HEATR5A: variants seen among roughly 807,000 people sequenced by gnomAD.
HEATR5A encodes HEAT repeat-containing protein 5A.
A neutral mutation model predicts 218.8 loss-of-function variants in HEATR5A; 178 were observed. The ratio of observed to expected loss-of-function variants is 0.81; its 90% CI spans 0.72 to 0.92. The LOEUF (loss-of-function observed/expected upper bound fraction) is 0.92. Among genes scored for constraint, HEATR5A ranks in the 40% least tolerant of loss-of-function variants. The probability of loss-of-function intolerance (pLI) is 0.00; values close to 1 mark genes in which losing one functional copy is unlikely to be tolerated. For synonymous variants in HEATR5A, 864 were observed against 871.6 expected, an observed-to-expected ratio of 0.99 and a Z score of 0.15; for missense variants, 2,420 against 2,418.9, an observed-to-expected ratio of 1.00 and a Z score of -0.01.
chr14:31,411,818 C>G (rs140882053), intron 1 of HEATR5A, among the ~76,000 whole-genome samples: 18 of 152,010 alleles, frequency 1.2e-4, no homozygotes, highest in African/African-American at 4.3e-4. Flanking sequence ...TAGCATACGT[C>G]AAAAAAATTT....
chr14:31,375,025 ACT>A (rs1902175452), intron 11 of HEATR5A, 57 bp from the exon 12 acceptor site: 1 of 1,401,332 alleles, frequency 7.1e-7, no homozygotes, highest in Non-Finnish European at 9.6e-7. Context: ...ACTCTTTAAA[ACT>A]CTATTATTAA....
At chr14:31,374,646 G>C (rs1275383659) in intron 12 of HEATR5A, among the ~76,000 whole-genome samples, 170 bp downstream of exon 12, 1 of 152,030 alleles carries the variant, frequency 6.6e-6, no homozygotes, top group Non-Finnish European at 1.5e-5. Flanking sequence ...ACATACACCA[G>C]TTATCATTAC....
intron 22 of HEATR5A, chr14:31,334,549 G>A (rs1000388599): frequency 3.4e-5 from 14 of 416,572 alleles, no homozygotes; most frequent in Admixed American, 2.9e-4. Context: ...AGTTTTCAAA[G>A]TTCTACTCTA....
intron 14 of HEATR5A, among the ~76,000 whole-genome samples, chr14:31,359,619 CAG>C (rs1397178308): frequency 6.8e-6 from 1 of 147,608 alleles, no homozygotes; most frequent in East Asian, 2.0e-4. Flanking sequence ...CCCAGCTACT[CAG>C]AGACTGAGGC....
Position 31,305,298 on chromosome 14 carries a change from T to C in HEATR5A, c.4967-121A>G, listed in dbSNP as rs1771051248. The C allele has an allele frequency of 7.9e-6, 8 of 1,018,586 alleles. No individual in the cohort carries two copies. The Admixed American group carries it at 1.6e-4, about 21-fold the overall frequency. 63.1% of individuals were successfully genotyped at this position (1,018,586 alleles called of 1,614,324 possible). ...ATTTTTTTGAGACAGAGTCTCGCTC[T>C]GTCACACAGGCTGGAGTGCAATGGC... On this transcript the variant is annotated intron_variant, in intron 31 of 35. Transcript: ENST00000543095.
chr14:31,327,817 C>T (rs1900320356), intron 22 of HEATR5A, among the ~76,000 whole-genome samples: 2 of 152,092 alleles, frequency 1.3e-5, no homozygotes, highest in Admixed American at 1.3e-4. Context: ...GAAATACTAG[C>T]CTTGATCTAG....
chr14:31,370,011 G>C (rs1170237902), intron 13 of HEATR5A, among the ~76,000 whole-genome samples: 2 of 151,678 alleles, frequency 1.3e-5, no homozygotes. Flanking sequence ...GGCGGATAAC[G>C]GTCAGGAGAT....
At chr14:31,397,487 G>A (rs531478437) in intron 4 of HEATR5A, among the ~76,000 whole-genome samples, 2 of 151,930 alleles carry the variant, frequency 1.3e-5, no homozygotes, top group East Asian at 1.9e-4. Context: ...GTGAAACCCC[G>A]TCTCTACTAA....
intron 11 of HEATR5A, among the ~76,000 whole-genome samples, chr14:31,376,861 A>G (rs1190979227): frequency 2.0e-5 from 3 of 152,222 alleles, no homozygotes; most frequent in Admixed American, 6.5e-5. Context: ...ACTGTGGCCC[A>G]TGCCTGTAAT....
In HEATR5A at chr14:31,306,874, C is replaced by G. The variant is rs768647340; in HGVS notation, c.4824G>C (p.Leu1608Phe). ...PRSKIGSDQD[L>F]GIELLNVLHR... ...GTAGAACATTCAGCAATTCTATACC[C>G]AAGTCCTATCATGGAAATCATGTAC... Residue 1608 changes from leucine (L) to phenylalanine (F), a missense_variant, in exon 31 of 36, where the codon TTG (leucine) becomes TTC (phenylalanine). By Grantham distance (22) the Leu-to-Phe change is conservative. Transcript: ENST00000543095. 10 of 1,602,320 alleles carry G rather than the reference C, an allele frequency of 6.2e-6. No individual in the cohort carries two copies. The highest frequency in any genetic ancestry group is 8.5e-6 in the Non-Finnish European group (10 of 1,172,690).
rs1445422143 is a variant in HEATR5A, at chr14:31,383,674, G to C, written c.1443C>G (p.Pro481=). 6.2e-7 allele frequency: 1 copy of C among 1,613,958 alleles called. No homozygotes were observed. Among genetic ancestry groups the C allele is most frequent in the South Asian group, 1.1e-5 (1 of 91,086 alleles). ...GATCCAAGAGTGGTGTTAGGTAGGA[G>C]GGTAATGCCACGGCAATGCAGTGTA... ...WCLHCIAVAL[P]SYLTPLLDRC... is the part of the protein sequence containing the mutation. Residue 481 remains proline (P), a synonymous_variant, in exon 10 of 36, where the codon CCC becomes CCG. Coordinates refer to ENST00000543095, the MANE Select transcript of HEATR5A (RefSeq NM_015473.4).
chr14:31,411,369 T>A (rs981098312), intron 1 of HEATR5A, among the ~76,000 whole-genome samples: 1 of 152,070 alleles, frequency 6.6e-6, no homozygotes, highest in Non-Finnish European at 1.5e-5. Context: ...GGCTGTCATA[T>A]AAAACCATGA....
At chr14:31,373,059 C>G (rs1409352944) in intron 12 of HEATR5A, among the ~76,000 whole-genome samples, 2 of 151,946 alleles carry the variant, frequency 1.3e-5, no homozygotes, top group Non-Finnish European at 2.9e-5. Flanking sequence ...CCACCCCAGA[C>G]TACAGGCATG....
chr14:31,390,087 G>A (rs2030390157), intron 6 of HEATR5A, among the ~76,000 whole-genome samples: 1 of 152,006 alleles, frequency 6.6e-6, no homozygotes, highest in Non-Finnish European at 1.5e-5. Flanking sequence ...GAGGGTATCT[G>A]GAGAAAAAGT....
intron 13 of HEATR5A, among the ~76,000 whole-genome samples, chr14:31,370,595 C>T (rs980535345): frequency 1.6e-4 from 24 of 152,186 alleles, no homozygotes; most frequent in African/African-American, 4.8e-4. Flanking sequence ...CTACTAGGTA[C>T]ATACCCTAGA....
intron 16 of HEATR5A, among the ~76,000 whole-genome samples, chr14:31,351,326 C>G (rs1901220038): frequency 6.6e-6 from 1 of 151,760 alleles, no homozygotes. Context: ...ACCTCTGATG[C>G]TACAAGAAAT....
In HEATR5A at chr14:31,313,073, C is replaced by G; in HGVS notation, c.4336G>C (p.Val1446Leu). The G allele has an allele frequency of 6.2e-7, 1 of 1,613,810 alleles. No individual in the cohort carries two copies. Among genetic ancestry groups the G allele is most frequent in the Non-Finnish European group, 8.5e-7 (1 of 1,179,716 alleles). Residue 1446 changes from valine (V) to leucine (L), a missense_variant, in exon 28 of 36, where the codon GTC becomes CTC. Physicochemically the swap from Val to Leu is conservative, Grantham distance 32 (BLOSUM62 1). Coordinates refer to ENST00000543095, the MANE Select transcript of HEATR5A (RefSeq NM_015473.4). Reference protein sequence around the residue: ...SCSSDGLLDLVYADLGTLSRL... With the variant: ...SCSSDGLLDLLYADLGTLSRL... ...CTTAGTGTGCCAAGATCTGCATAGACTAAGTCAAGCAGTCCATCTGATGAA... is the reference window on the plus strand; with the variant it reads ...CTTAGTGTGCCAAGATCTGCATAGAGTAAGTCAAGCAGTCCATCTGATGAA...
At chr14:31,419,282 GA>G (rs199743106) in intron 1 of HEATR5A, among the ~76,000 whole-genome samples, 147 of 142,520 alleles carry the variant, frequency 1.0e-3, no homozygotes, top group Middle Eastern at 3.6e-3. Context: ...TATCAGTGAA[GA>G]AAAAAAAAAA....
chr14:31,329,038 A>G (rs1900370899), intron 22 of HEATR5A, among the ~76,000 whole-genome samples: 1 of 152,082 alleles, frequency 6.6e-6, no homozygotes, highest in South Asian at 2.1e-4. Flanking sequence ...AAGGGGGAAG[A>G]GCCCCTTATA....
Sources: gnomAD v4.1 joint callset for allele counts (sites outside exome capture counted in the v4.1 genomes callset) on GRCh38, gnomAD v4.1.1 for gene constraint, MANE v1.5 for transcripts, NCBI Gene and HGNC (gene_info 2026-07-23, HGNC 2026-07-21) for gene names.